Variants in ENTREP1 observed in about 807,000 individuals in gnomAD.
ENTREP1 encodes Friedreich ataxia region gene X123.
the ENTREP1 span, among the ~76,000 whole-genome samples, chr9:69,334,339 C>T: frequency 7.9e-4 from 120 of 152,318 alleles, 2 homozygotes; most frequent in Non-Finnish European, 1.2e-3. Flanking sequence ...AAATTGTCAC[C>T]TATCTGCCTG....
At chr9:69,390,704 G>A in the ENTREP1 span, among the ~76,000 whole-genome samples, 1 of 152,146 alleles carries the variant, frequency 6.6e-6, no homozygotes, top group Non-Finnish European at 1.5e-5. Flanking sequence ...CGGTGGTGTA[G>A]ATATAGCTCA....
At chr9:69,344,667 T>A in the ENTREP1 span, among the ~76,000 whole-genome samples, 7 of 152,146 alleles carry the variant, frequency 4.6e-5, no homozygotes, top group Non-Finnish European at 8.8e-5. Flanking sequence ...GCCCGTGACC[T>A]CTACCCCCTG....
At chr9:69,346,992 G>A in the ENTREP1 span, among the ~76,000 whole-genome samples, 73 of 152,218 alleles carry the variant, frequency 4.8e-4, 1 homozygote, top group Non-Finnish European at 8.8e-4. Flanking sequence ...GGTGTCTGAC[G>A]GGACCGTTGT....
chr9:69,371,173 G>T, the ENTREP1 span: 1 of 331,870 alleles, frequency 3.0e-6, no homozygotes, highest in Non-Finnish European at 5.7e-6. Context: ...AAAACTAAAG[G>T]AAAAAAAATA....
At chr9:69,324,818 A>G in the ENTREP1 span, 1 of 984,848 alleles carries the variant, frequency 1.0e-6, no homozygotes. Flanking sequence ...TCGTGGCTGG[A>G]CAGAGAAGGC....
At chr9:69,387,790 T>A in the ENTREP1 span, 1 of 813,166 alleles carries the variant, frequency 1.2e-6, no homozygotes, top group East Asian at 6.2e-5. Context: ...TGGAACATCC[T>A]TTCATTGGTC....
chr9:69,325,303 TCCGTCCATGTCCCTGC>T, the ENTREP1 span: 1 of 1,178,962 alleles, frequency 8.5e-7, no homozygotes, highest in Non-Finnish European at 1.0e-6. Context: ...CCCTTCCCCG[TCCGTCCATGTCCCTGC>T]CCGTGGTGCT....
chr9:69,342,081 A>G, the ENTREP1 span, among the ~76,000 whole-genome samples: 3 of 152,182 alleles, frequency 2.0e-5, no homozygotes, highest in South Asian at 2.1e-4. Flanking sequence ...CTCCCTGTAT[A>G]TAAACTGAAA....
chr9:69,329,622 T>C, the ENTREP1 span: 15 of 985,102 alleles, frequency 1.5e-5, no homozygotes, highest in African/African-American at 1.7e-5. Context: ...GGTAAATCAC[T>C]CAATATATTA....
chr9:69,329,364 C>G, the ENTREP1 span: 1 of 962,972 alleles, frequency 1.0e-6, no homozygotes, highest in Non-Finnish European at 1.2e-6. Context: ...CAGTATAGTT[C>G]AAGGATATTT....
chr9:69,366,755 T>C, the ENTREP1 span, among the ~76,000 whole-genome samples: 8,725 of 152,140 alleles, frequency 0.057, 300 homozygotes, highest in African/African-American at 0.066. Flanking sequence ...CTTCTGAATA[T>C]GGTTATTTAG....
chr9:69,349,290 A>T, the ENTREP1 span, among the ~76,000 whole-genome samples: 1 of 151,776 alleles, frequency 6.6e-6, no homozygotes, highest in Non-Finnish European at 1.5e-5. Context: ...TCTTGGGTAC[A>T]TGTCTAGGAG....
the ENTREP1 span, among the ~76,000 whole-genome samples, chr9:69,352,961 C>A: frequency 3.7e-4 from 56 of 152,214 alleles, 1 homozygote; most frequent in Non-Finnish European, 1.8e-4. Context: ...AAGAGCTAGA[C>A]CCCCATCTCT....
the ENTREP1 span, among the ~76,000 whole-genome samples, chr9:69,378,269 CT>C: frequency 6.6e-6 from 1 of 152,152 alleles, no homozygotes; most frequent in Non-Finnish European, 1.5e-5. Flanking sequence ...TCAAGAAATT[CT>C]TCCTAGCCAT....
the ENTREP1 span, among the ~76,000 whole-genome samples, chr9:69,365,500 G>A: frequency 6.6e-6 from 1 of 152,122 alleles, no homozygotes; most frequent in East Asian, 1.9e-4. Flanking sequence ...CACCTTGAGT[G>A]TTTATCATTT....
chr9:69,374,093 T>C, the ENTREP1 span, among the ~76,000 whole-genome samples: 1 of 152,204 alleles, frequency 6.6e-6, no homozygotes, highest in Non-Finnish European at 1.5e-5. Context: ...TTGAACTTCA[T>C]GTAGATGGAG....
chr9:69,389,233 T>A, the ENTREP1 span, among the ~76,000 whole-genome samples: 128,252 of 152,208 alleles, frequency 0.84, 54,200 homozygotes, highest in African/African-American at 0.9. Context: ...TATGGATGTT[T>A]TGTGGCTCTG....
At chr9:69,340,650 T>TGC in the ENTREP1 span, among the ~76,000 whole-genome samples, 1 of 143,092 alleles carries the variant, frequency 7.0e-6, no homozygotes. Context: ...CATGTGTGTG[T>TGC]GCATGTGTGT....
At chr9:69,390,672 G>A in the ENTREP1 span, among the ~76,000 whole-genome samples, 593 of 152,242 alleles carry the variant, frequency 3.9e-3, 6 homozygotes, top group African/African-American at 0.014. Context: ...CAAGGTCTCC[G>A]TCTGTCACCC....
Sources: gnomAD v4.1 joint callset for allele counts (sites outside exome capture counted in the v4.1 genomes callset) on GRCh38, gnomAD v4.1.1 for gene constraint, MANE v1.5 for transcripts, NCBI Gene and HGNC (gene_info 2026-07-23, HGNC 2026-07-21) for gene names.